The following NFE2 variants were observed in gnomAD, a reference collection of about 807,000 sequenced individuals.
NFE2 encodes the protein nuclear factor, erythroid 2.
Under a neutral mutation model 25.8 loss-of-function variants are expected in NFE2, and 13 were observed. That is an observed-to-expected ratio of 0.50 (90% confidence interval 0.33 to 0.80). NFE2 has a LOEUF of 0.80. Ranked by LOEUF, NFE2 falls within the 30% of genes least tolerant of loss-of-function variation. The probability of loss-of-function intolerance (pLI) is 0.02; values close to 1 mark genes in which losing one functional copy is unlikely to be tolerated. For missense variants in NFE2, 382 were observed against 478.9 expected, an observed-to-expected ratio of 0.80 and a Z score of 1.89; for synonymous variants, 204 against 200.2, an observed-to-expected ratio of 1.02 and a Z score of -0.16.
At chr12:54,298,337 G>A (rs1402559361) in intron 1 of NFE2, among the ~76,000 whole-genome samples, 1 of 151,466 alleles carries the variant, frequency 6.6e-6, no homozygotes, top group African/African-American at 2.4e-5. Flanking sequence ...GAGAAACCTT[G>A]TCTCTACTAT....
Position 54,292,951 on chromosome 12 carries a change from T to C in NFE2, c.545A>G (p.Tyr182Cys), listed in dbSNP as rs769709774. ...GGCCAAGGAGTTGGGCATGAGTGAG[T>C]AGGGGTACTCCACTGGGTACATCTC... ...YVEMYPVEYP[Y>C]SLMPNSLAHS... Residue 182 changes from tyrosine (Y) to cysteine (C), a missense_variant, in exon 3 of 3, where the codon TAC (tyrosine) becomes TGC (cysteine). Tyr to Cys is a radical substitution (Grantham distance 194, BLOSUM62 -2). Transcript: ENST00000435572. The C allele has an allele frequency of 6.3e-6, 10 of 1,586,766 alleles. No individual in the cohort carries two copies. The East Asian group carries it at 1.1e-4, about 18-fold the overall frequency.
intron 1 of NFE2, among the ~76,000 whole-genome samples, chr12:54,299,065 A>AT (rs1944399626): frequency 6.6e-6 from 1 of 151,056 alleles, no homozygotes; most frequent in Non-Finnish European, 1.5e-5. Context: ...AAAAAAAAAA[A>AT]GAAGGGGAGC....
chr12:54,294,119 C>T (rs1592180002), intron 2 of NFE2, among the ~76,000 whole-genome samples: 1 of 151,378 alleles, frequency 6.6e-6, no homozygotes, highest in Admixed American at 6.6e-5. Context: ...AAAAAATTAG[C>T]TGGGGTGGTG....
At chr12:54,299,092 T>C (rs564748809) in intron 1 of NFE2, among the ~76,000 whole-genome samples, 6 of 150,220 alleles carry the variant, frequency 4.0e-5, no homozygotes, top group African/African-American at 9.8e-5. Flanking sequence ...AGGCAGGAGT[T>C]TGGGGGAGAG....
At position 54,292,791 on chromosome 12, in the gene NFE2, A is replaced by G; in HGVS notation, c.705T>C (p.Ile235=). 1.2e-6 allele frequency: 2 copies of G among 1,614,086 alleles called. No individual in the cohort carries two copies. Among genetic ancestry groups the G allele is most frequent in the Non-Finnish European group, 1.7e-6 (2 of 1,179,994 alleles). Residue 235 remains isoleucine, a synonymous_variant, in exon 3 of 3, where the codon ATT becomes ATC. Coordinates refer to ENST00000435572, the MANE Select transcript of NFE2 (RefSeq NM_001136023.3). ...RDERRALAMK[I]PFPTDKIVNL... is the part of the protein sequence containing the mutation. ...TGACAATCTTGTCCGTAGGAAAAGG[A>G]ATCTTCATGGCCAAGGCCCGACGTT...
At chr12:54,296,409 C>CAAAA (rs372037870) in intron 1 of NFE2, among the ~76,000 whole-genome samples, 3 of 86,970 alleles carry the variant, frequency 3.4e-5, no homozygotes, top group Admixed American at 1.2e-4. Context: ...GACTATGTCT[C>CAAAA]AAAAAAAAAA....
At position 54,293,013 on chromosome 12, in the gene NFE2, C is replaced by T. The variant is rs777962210; in HGVS notation, c.483G>A (p.Glu161=). The T allele has an allele frequency of 3.7e-5, 56 of 1,532,870 alleles. No individual in the cohort carries two copies. The Middle Eastern group carries it at 1.1e-3, about 29-fold the overall frequency. 95.0% of individuals were successfully genotyped at this position (1,532,870 alleles called of 1,614,324 possible). A position where few individuals can be genotyped will look rare whatever the true frequency, so the allele number is the denominator to read the frequency against. Residue 161 remains glutamate (E), a synonymous_variant, in exon 3 of 3, where the codon GAG becomes GAA. Coordinates refer to ENST00000435572, the MANE Select transcript of NFE2 (RefSeq NM_001136023.3). ...TGCGCCGCCGACCAGCCTCTGTCCCCTCCAGCTCAAGAGATTCAGCATCGC... is the reference window on the plus strand; with the variant it reads ...TGCGCCGCCGACCAGCCTCTGTCCCTTCCAGCTCAAGAGATTCAGCATCGC... The part of the protein sequence containing the change: ...NYSDAESLEL[E]GTEAGRRRSE...
chr12:54,297,591 G>A (rs1201158366), intron 1 of NFE2, among the ~76,000 whole-genome samples: 4 of 149,464 alleles, frequency 2.7e-5, no homozygotes, highest in African/African-American at 5.0e-5. Flanking sequence ...GCTTGAACCC[G>A]GGAGGCGGAG....
rs752368720 is a variant in NFE2 at position 54,295,141 on chromosome 12, C to A, written c.108G>T (p.Glu36Asp). Residue 36 changes from glutamate to aspartate, a missense_variant, in exon 2 of 3, where the codon GAG (glutamate) becomes GAT (aspartate). Physicochemically the swap from Glu to Asp is conservative, Grantham distance 45. Transcript: ENST00000435572. ...LTWQEIMSIT[E>D]LQGLNAPSEP... ...CCTATCCCCCCTTACTCACCTGCAG[C>A]TCGGTGATGGACATGATCTCCTGCC... The A allele has an allele frequency of 6.2e-7, 1 of 1,613,340 alleles. No homozygotes were observed. Among genetic ancestry groups the A allele is most frequent in the South Asian group, 1.1e-5 (1 of 91,058 alleles).
In NFE2 at chr12:54,292,255, A is replaced by C; in HGVS notation, c.*119T>G. ...TTGGAACTTCCAAACACTTGTTGCC[A>C]TTGTCATCCTCTTCTGGTCTAGAGA... On this transcript the variant is annotated 3_prime_UTR_variant, in exon 3 of 3. Transcript: ENST00000435572. 9.4e-7 allele frequency: 1 copy of C among 1,063,540 alleles called. No individual in the cohort carries two copies. The highest frequency in any genetic ancestry group is 1.3e-6 in the Non-Finnish European group (1 of 742,474). The allele number at this position is 1,063,540 out of a possible 1,614,324, so 65.9% of individuals were successfully genotyped here. A position where few individuals can be genotyped will look rare whatever the true frequency, so the allele number is the denominator to read the frequency against.
In NFE2 at chr12:54,292,281, A is replaced by G; in HGVS notation, c.*93T>C. 1 of 1,344,686 alleles carries G rather than the reference A, an allele frequency of 7.4e-7. No homozygotes were observed. The allele number at this position is 1,344,686 out of a possible 1,614,324, so 83.3% of individuals were successfully genotyped here. ...TTGTCATCCTCTTCTGGTCTAGAGA[A>G]CTCAGCTCCTTCTGGGACTCAGGGT... is the stretch of plus-strand genomic sequence containing the variant. On this transcript the variant is annotated 3_prime_UTR_variant, in exon 3 of 3. Transcript: ENST00000435572.
chr12:54,294,403 C>T (rs1478690112), intron 2 of NFE2, among the ~76,000 whole-genome samples: 3 of 151,944 alleles, frequency 2.0e-5, no homozygotes, highest in African/African-American at 4.8e-5. Flanking sequence ...CAGAGGGAGC[C>T]GCTGTGTGGG....
At position 54,293,026 on chromosome 12, in the gene NFE2, G is replaced by T. The variant is rs1479496996; in HGVS notation, c.470C>A (p.Ser157Tyr). ...GLSLNYSDAE[S>Y]LELEGTEAGR... ...AGCCTCTGTCCCCTCCAGCTCAAGA[G>T]ATTCAGCATCGCTATAGTTGAGGGA... The change falls in exon 3 of 3, where the codon TCT becomes TAT. Residue 157 changes from serine (S) to tyrosine (Y), a missense_variant. Physicochemically the swap from Ser to Tyr is moderately radical, Grantham distance 144 (BLOSUM62 -2). Transcript: ENST00000435572. 5 of 1,529,082 alleles carry T rather than the reference G, an allele frequency of 3.3e-6. No individual in the cohort carries two copies. Among genetic ancestry groups the T allele is most frequent in the Non-Finnish European group, 4.4e-6 (5 of 1,138,512 alleles). 94.7% of individuals were successfully genotyped at this position (1,529,082 alleles called of 1,614,324 possible). A position where few individuals can be genotyped will look rare whatever the true frequency, so the allele number is the denominator to read the frequency against.
intron 1 of NFE2, among the ~76,000 whole-genome samples, chr12:54,296,209 C>T (rs1944370310): frequency 6.6e-6 from 1 of 151,924 alleles, no homozygotes; most frequent in African/African-American, 2.4e-5. Context: ...GAGTTCGAGA[C>T]CAGCCTGGCC....
At chr12:54,293,740 T>C (rs34564290) in intron 2 of NFE2, among the ~76,000 whole-genome samples, 339 of 152,210 alleles carry the variant, frequency 2.2e-3, no homozygotes, top group Middle Eastern at 6.8e-3. Context: ...TCCCAGCTAC[T>C]TGGGAGGCTG....
In NFE2 at chr12:54,294,383, A is replaced by G. The variant is rs376950538; in HGVS notation, c.114+752T>C. On this transcript the variant is annotated intron_variant, in intron 2 of 2. Coordinates refer to ENST00000435572, the MANE Select transcript of NFE2 (RefSeq NM_001136023.3). ...CAAGTTCAGATCCTGGCCATGCCCCAGATGCCCAGCAGAGGGAGCCGCTGT... is the reference window on the plus strand; with the variant it reads ...CAAGTTCAGATCCTGGCCATGCCCCGGATGCCCAGCAGAGGGAGCCGCTGT... Among the ~76,000 whole-genome samples the G allele has an allele frequency of 2.0e-5, 3 of 152,094 alleles. No homozygotes were observed. The East Asian group carries it at 5.8e-4, about 29-fold the overall frequency.
intron 1 of NFE2, among the ~76,000 whole-genome samples, chr12:54,300,597 G>A (rs1940177475): frequency 1.3e-5 from 2 of 152,116 alleles, no homozygotes; most frequent in African/African-American, 4.8e-5. Context: ...GGATCCCAGA[G>A]CACCCAAGAA....
chr12:54,296,902 T>C (rs1005095977), intron 1 of NFE2, among the ~76,000 whole-genome samples: 18 of 152,080 alleles, frequency 1.2e-4, no homozygotes, highest in African/African-American at 4.1e-4. Context: ...TCAGTCCCTC[T>C]CCTCATGCTA....
chr12:54,298,004 C>T (rs751056506), intron 1 of NFE2: 1 of 152,172 alleles, frequency 6.6e-6, no homozygotes, highest in Non-Finnish European at 1.5e-5. Flanking sequence ...ACCCCACCCT[C>T]CTCCACCCAG....
Sources: gnomAD v4.1 joint callset for allele counts (sites outside exome capture counted in the v4.1 genomes callset) on GRCh38, gnomAD v4.1.1 for gene constraint, MANE v1.5 for transcripts, NCBI Gene and HGNC (gene_info 2026-07-23, HGNC 2026-07-21) for gene names.